Variants in TMEM50B observed in about 807,000 individuals in gnomAD.
TMEM50B encodes transmembrane protein 50B, also known as HCV p7-trans-regulated protein 3.
In TMEM50B, 14 loss-of-function variants were observed where a neutral mutation model predicts 23.4. That is an observed-to-expected ratio of 0.60 (90% CI 0.39 to 0.93). The LOEUF (loss-of-function observed/expected upper bound fraction) is 0.93, where lower values mean the gene tolerates loss of function less well. Ranked by LOEUF, TMEM50B falls within the 40% of genes least tolerant of loss-of-function variation. TMEM50B has a pLI of 0.00. For synonymous variants in TMEM50B, 64 were observed against 62.3 expected, an observed-to-expected ratio of 1.03 and a Z score of -0.13; for missense variants, 159 against 193.0, an observed-to-expected ratio of 0.82 and a Z score of 1.04.
rs893539360 is a variant in TMEM50B, at chr21:33,436,862, C to T, written c.*2120+2352G>A. On this transcript the variant is annotated intron_variant and NMD_transcript_variant, in intron 8 of 8. Transcript: ENST00000420455. ...GACCCAACTCAGCCCATCTTAGAGGCCTTGGACAAGGACAGCTCACCAAAG... is the reference window on the plus strand; with the variant it reads ...GACCCAACTCAGCCCATCTTAGAGGTCTTGGACAAGGACAGCTCACCAAAG... 6.2e-7 allele frequency: 1 copy of T among 1,614,040 alleles called. No individual in the cohort carries two copies. Among genetic ancestry groups the T allele is most frequent in the Non-Finnish European group, 8.5e-7 (1 of 1,179,902 alleles).
At chr21:33,438,631 C>T (rs17879956) in intron 8 of TMEM50B, among the ~76,000 whole-genome samples, 24,646 of 152,004 alleles carry the variant, frequency 0.16, 2,512 homozygotes, top group East Asian at 0.42. Context: ...AAGCCTGTCT[C>T]CACTAAAAGC....
At chr21:33,441,945 G>A (rs1415408937) in intron 7 of TMEM50B, among the ~76,000 whole-genome samples, 3 of 151,934 alleles carry the variant, frequency 2.0e-5, no homozygotes, top group Admixed American at 6.6e-5. Context: ...GATCATTTTT[G>A]TTATCAAGCA....
intron 1 of TMEM50B, 90 bp from the exon 2 acceptor site, chr21:33,469,016 A>G (rs757074502): frequency 1.7e-4 from 114 of 684,068 alleles, no homozygotes; most frequent in Middle Eastern, 2.9e-4. Flanking sequence ...TTTACACACA[A>G]CTTTACTTTA....
At chr21:33,438,103 A>G (rs891845518) in intron 8 of TMEM50B, among the ~76,000 whole-genome samples, 4 of 151,772 alleles carry the variant, frequency 2.6e-5, no homozygotes, top group African/African-American at 9.7e-5. Flanking sequence ...TGGGCAACAT[A>G]GTGAGACCTT....
intron 4 of TMEM50B, among the ~76,000 whole-genome samples, chr21:33,461,266 A>G (rs1196802749): frequency 6.6e-6 from 1 of 152,184 alleles, no homozygotes; most frequent in African/African-American, 2.4e-5. Flanking sequence ...TCAGTTGCAA[A>G]TATTTTGTTA....
chr21:33,444,793 C>A, downstream of TMEM50B, among the ~76,000 whole-genome samples: 1 of 73,674 alleles, frequency 1.4e-5, no homozygotes. Flanking sequence ...AGTGAGACTC[C>A]ATCTCTTTAC....
At chr21:33,461,043 C>A (rs2084212871) in intron 4 of TMEM50B, among the ~76,000 whole-genome samples, 1 of 152,160 alleles carries the variant, frequency 6.6e-6, no homozygotes, top group Non-Finnish European at 1.5e-5. Flanking sequence ...TCTCTTCAAC[C>A]CTGTATTGAA....
chr21:33,446,698 C>T (rs888927437), downstream of TMEM50B, among the ~76,000 whole-genome samples: 1 of 56,316 alleles, frequency 1.8e-5, no homozygotes, highest in Non-Finnish European at 3.7e-5. Context: ...AAGAAAAGAA[C>T]TTTACAGAAT....
At chr21:33,440,261 T>C (rs2083996168) in intron 7 of TMEM50B, among the ~76,000 whole-genome samples, 1 of 152,062 alleles carries the variant, frequency 6.6e-6, no homozygotes, top group East Asian at 1.9e-4. Context: ...TTCTATGATA[T>C]TCAAATTTCA....
chr21:33,438,064 C>T (rs928560288), intron 8 of TMEM50B, among the ~76,000 whole-genome samples: 10 of 150,786 alleles, frequency 6.6e-5, no homozygotes, highest in African/African-American at 1.5e-4. Flanking sequence ...ATGGGAGGAT[C>T]GCTTGAGGCC....
chr21:33,468,993 C>A, intron 1 of TMEM50B, 67 bp from the exon 2 acceptor site: 1 of 812,336 alleles, frequency 1.2e-6, no homozygotes, highest in East Asian at 2.6e-5. Flanking sequence ...ATACCTTACT[C>A]CTTTCTTAAA....
intron 4 of TMEM50B, among the ~76,000 whole-genome samples, chr21:33,461,858 ATACAT>A (rs762235555): frequency 1.3e-5 from 2 of 152,252 alleles, no homozygotes; most frequent in African/African-American, 4.8e-5. Flanking sequence ...TTATGGCTAT[ATACAT>A]TAAACTTTCT....
Position 33,473,457 on chromosome 21 carries a change from GAA to G in TMEM50B, c.-41-4533_-41-4532del, listed in dbSNP as rs35814774. The stretch of plus-strand genomic sequence containing the variant: ...AAAAAAGTGAGACTCTGTCTCGGAA[GAA>G]AAAAAAAAAAAAAAAAAAACTCAAT... On this transcript the variant is annotated intron_variant, in intron 1 of 6. Transcript: ENST00000542230. Among the ~76,000 whole-genome samples the G allele has an allele frequency of 5.5e-3, 468 of 84,816 alleles. 4 individuals carry two copies. Among genetic ancestry groups the G allele is most frequent in the African/African-American group, 0.021 (391 of 19,008 alleles). The allele number at this position is 84,816 out of a possible 152,430, so 55.6% of individuals were successfully genotyped here. A position where few individuals can be genotyped will look rare whatever the true frequency, so the allele number is the denominator to read the frequency against.
chr21:33,452,551 A>C (rs576894799), intron 6 of TMEM50B, among the ~76,000 whole-genome samples: 1 of 152,346 alleles, frequency 6.6e-6, no homozygotes, highest in South Asian at 2.1e-4. Context: ...ATGAAGCATC[A>C]GAGAGTGGAA....
rs150959098 is a variant in TMEM50B, at chr21:33,453,692, T to C, written c.431+2035A>G. Reference sequence around the variant, plus strand: ...TCGTAATCAAATTACTTAAAACCAGTGACAAAAGCAAAGTTTTTCAAGGCT... The same window carrying C: ...TCGTAATCAAATTACTTAAAACCAGCGACAAAAGCAAAGTTTTTCAAGGCT... On this transcript the variant is annotated intron_variant, in intron 6 of 6. Coordinates refer to ENST00000542230, the MANE Select transcript of TMEM50B (RefSeq NM_006134.7). Among the ~76,000 whole-genome samples the C allele has an allele frequency of 1.5e-3, 224 of 152,090 alleles. 2 individuals are homozygous for C. Among genetic ancestry groups the C allele is most frequent in the African/African-American group, 5.1e-3 (213 of 41,476 alleles).
chr21:33,439,718 T>A (rs1386097836), intron 7 of TMEM50B, among the ~76,000 whole-genome samples: 1 of 151,640 alleles, frequency 6.6e-6, no homozygotes, highest in African/African-American at 2.4e-5. Context: ...CTCATTCTCC[T>A]TAGTAAAATA....
intron 1 of TMEM50B, among the ~76,000 whole-genome samples, chr21:33,478,632 G>A (rs1349596069): frequency 6.6e-6 from 1 of 152,130 alleles, no homozygotes; most frequent in Admixed American, 6.5e-5. Flanking sequence ...TGTGTCTCCG[G>A]AAGAAGAAAT....
chr21:33,432,548 G>A, exon 9 of TMEM50B: 1 of 885,110 alleles, frequency 1.1e-6, no homozygotes, highest in Non-Finnish European at 1.9e-6. Context: ...TTACAGGATT[G>A]ACTTTAGCTA....
intron 2 of TMEM50B, 36 bp from the exon 3 acceptor site, chr21:33,467,158 C>T (rs769830061): frequency 1.1e-4 from 169 of 1,534,570 alleles, no homozygotes; most frequent in Non-Finnish European, 1.4e-4. Context: ...AACATTAAAA[C>T]TCTTGCTAGC....
Sources: gnomAD v4.1 joint callset for allele counts (sites outside exome capture counted in the v4.1 genomes callset) on GRCh38, gnomAD v4.1.1 for gene constraint, MANE v1.5 for transcripts, NCBI Gene and HGNC (gene_info 2026-07-23, HGNC 2026-07-21) for gene names.